SCAPER: variants seen among roughly 807,000 people sequenced by gnomAD.
SCAPER encodes the protein S phase cyclin A-associated protein in the endoplasmic reticulum.
A neutral mutation model predicts 182.2 loss-of-function variants in SCAPER; 98 were observed. That is an observed-to-expected ratio of 0.54 (90% CI 0.46 to 0.64). SCAPER has a LOEUF of 0.64. SCAPER is among the 30% of genes least tolerant of loss of function. The probability of loss-of-function intolerance (pLI) is 0.00; values close to 1 mark genes in which losing one functional copy is unlikely to be tolerated. For missense variants in SCAPER, 1,432 were observed against 1,690.0 expected (o/e 0.85, Z 2.68); for synonymous variants, 605 against 564.6 (o/e 1.07, Z -1.01).
chr15:76,645,522 C>G (rs2054473218), intron 21 of SCAPER, among the ~76,000 whole-genome samples: 1 of 151,060 alleles, frequency 6.6e-6, no homozygotes, highest in Non-Finnish European at 1.5e-5. Flanking sequence ...CAGTAAAGAT[C>G]AGCCTTTTTT....
chr15:76,436,318 T>C (rs999649606), intron 25 of SCAPER, among the ~76,000 whole-genome samples: 4 of 152,222 alleles, frequency 2.6e-5, no homozygotes, highest in Non-Finnish European at 5.9e-5. Context: ...TCTGTCCACC[T>C]TGGCCTCCCC....
chr15:76,722,620 A>T (rs1224854769), intron 17 of SCAPER, among the ~76,000 whole-genome samples: 2 of 152,212 alleles, frequency 1.3e-5, no homozygotes, highest in East Asian at 3.9e-4. Context: ...TTATTGGTCT[A>T]TTCAGAGATT....
At chr15:76,418,738 G>C (rs1596516099) in intron 26 of SCAPER, among the ~76,000 whole-genome samples, 1 of 152,254 alleles carries the variant, frequency 6.6e-6, no homozygotes, top group East Asian at 1.9e-4. Flanking sequence ...CAATGGAACA[G>C]GCAAACCTGC....
Position 76,733,487 on chromosome 15 carries a change from G to A in SCAPER, c.1867-103C>T, listed in dbSNP as rs80032463. On this transcript the variant is annotated intron_variant, in intron 15 of 31. Coordinates refer to ENST00000563290, the MANE Select transcript of SCAPER (RefSeq NM_020843.4). ...AGTCAGGCTGGGCGTGGTGGTTCAC[G>A]CCTGTGATCCTAGCACTTTGGGAGG... The A allele has an allele frequency of 2.9e-4, 400 of 1,359,454 alleles. No individual in the cohort carries two copies. The East Asian group carries it at 7.0e-3, about 24-fold the overall frequency. The allele number at this position is 1,359,454 out of a possible 1,614,324, so 84.2% of individuals were successfully genotyped here.
intron 4 of SCAPER, among the ~76,000 whole-genome samples, chr15:76,844,973 T>C (rs987038995): frequency 6.6e-6 from 1 of 152,144 alleles, no homozygotes; most frequent in African/African-American, 2.4e-5. Context: ...AACAAAATAC[T>C]AGCAAACTGA....
In SCAPER at chr15:76,764,305, C is replaced by A. The variant is rs572291245; in HGVS notation, c.1725+656G>T. Among the ~76,000 whole-genome samples the A allele has an allele frequency of 2.0e-5, 3 of 152,332 alleles. No individual in the cohort carries two copies. The South Asian group carries it at 6.2e-4, about 32-fold the overall frequency. ...ACAGGGCAGTCCTCAGCTCCAAAAG[C>A]TACAGGGTGTAGGCAGTGGCTGCCA... On this transcript the variant is annotated intron_variant, in intron 14 of 31. Transcript: ENST00000563290.
At chr15:76,362,657 C>T (rs2041522718) in intron 29 of SCAPER, among the ~76,000 whole-genome samples, 1 of 152,224 alleles carries the variant, frequency 6.6e-6, no homozygotes, top group South Asian at 2.1e-4. Flanking sequence ...GTGATCTACT[C>T]ACCTCGGCCT....
chr15:76,662,030 A>C (rs1201421511), intron 21 of SCAPER, among the ~76,000 whole-genome samples: 1 of 152,198 alleles, frequency 6.6e-6, no homozygotes, highest in East Asian at 1.9e-4. Context: ...GGTCCTTTGC[A>C]GGGACATGGA....
Position 76,723,112 on chromosome 15 carries a change from G to C in SCAPER, c.2165+5483C>G, listed in dbSNP as rs2060360898. 2.0e-5 allele frequency among the ~76,000 whole-genome samples: 3 copies of C among 152,118 alleles called. No homozygotes were observed. In the South Asian group the frequency reaches 6.2e-4, roughly 32 times the overall value. On this transcript the variant is annotated intron_variant, in intron 17 of 31. Transcript: ENST00000563290. ...CACACTGCTTTGAATGTGTCCCAGA[G>C]ATTTTGGTATGTTGTGTCTTTGTTC... is the stretch of plus-strand genomic sequence containing the variant.
intron 23 of SCAPER, among the ~76,000 whole-genome samples, chr15:76,516,032 C>T (rs887744481): frequency 6.6e-6 from 1 of 151,962 alleles, no homozygotes; most frequent in African/African-American, 2.4e-5. Context: ...GTTAGGCCTG[C>T]CTGAAGGGAA....
chr15:76,624,010 CCA>C (rs1316168253), intron 21 of SCAPER, among the ~76,000 whole-genome samples: 1 of 152,156 alleles, frequency 6.6e-6, no homozygotes, highest in Non-Finnish European at 1.5e-5. Context: ...ACAAGGATGT[CCA>C]CTCTCACCAC....
intron 14 of SCAPER, among the ~76,000 whole-genome samples, chr15:76,754,917 T>C (rs2062323522): frequency 6.6e-6 from 1 of 152,166 alleles, no homozygotes; most frequent in Non-Finnish European, 1.5e-5. Flanking sequence ...AGAGTTATTG[T>C]GGTGATCTGA....
chr15:76,622,571 T>C (rs2146112848), intron 21 of SCAPER, among the ~76,000 whole-genome samples: 1 of 152,314 alleles, frequency 6.6e-6, no homozygotes, highest in East Asian at 1.9e-4. Context: ...AACCTAAGTA[T>C]GCTCATTGCC....
At chr15:76,608,801 G>A (rs1197727834) in intron 22 of SCAPER, among the ~76,000 whole-genome samples, 6 of 152,198 alleles carry the variant, frequency 3.9e-5, no homozygotes, top group South Asian at 2.1e-4. Flanking sequence ...GTGAGACTCC[G>A]TTGGGGTAGG....
chr15:76,710,874 C>CA (rs1205816297), intron 17 of SCAPER, among the ~76,000 whole-genome samples: 1 of 152,040 alleles, frequency 6.6e-6, no homozygotes, highest in Non-Finnish European at 1.5e-5. Context: ...AGTACTGTCA[C>CA]AAGAACAGAC....
intron 23 of SCAPER, among the ~76,000 whole-genome samples, chr15:76,535,471 G>A (rs756251956): frequency 4.7e-5 from 6 of 128,206 alleles, no homozygotes; most frequent in Non-Finnish European, 7.8e-5. Context: ...GCAGTGAGCT[G>A]AGATCTCGCC....
chr15:76,764,405 G>C (rs2062990253), intron 14 of SCAPER, among the ~76,000 whole-genome samples: 1 of 152,298 alleles, frequency 6.6e-6, no homozygotes, highest in South Asian at 2.1e-4. Context: ...AGGCCAGGTG[G>C]AGTTTGGTTG....
intron 20 of SCAPER, among the ~76,000 whole-genome samples, chr15:76,671,595 C>A (rs1488496611): frequency 6.6e-6 from 1 of 151,970 alleles, no homozygotes; most frequent in Non-Finnish European, 1.5e-5. Flanking sequence ...CGGTGAAACG[C>A]CGTCTCTACT....
At chr15:76,497,124 T>TTTTTTTTTTC (rs1555456895) in intron 24 of SCAPER, among the ~76,000 whole-genome samples, 12,968 of 138,668 alleles carry the variant, frequency 0.094, 1,048 homozygotes, top group African/African-American at 0.18. Flanking sequence ...TTTTTTTTTT[T>TTTTTTTTTTC]CCCAAAACGG....
Sources: gnomAD v4.1 joint callset for allele counts (sites outside exome capture counted in the v4.1 genomes callset) on GRCh38, gnomAD v4.1.1 for gene constraint, MANE v1.5 for transcripts, NCBI Gene and HGNC (gene_info 2026-07-23, HGNC 2026-07-21) for gene names.